Variants in RNF152 observed in about 807,000 individuals in gnomAD.
The protein encoded by RNF152 is ring finger protein 152.
RNF152 carries 11 observed loss-of-function variants against 12.7 expected under a neutral mutation model. That is an observed-to-expected ratio of 0.86 (90% CI 0.54 to 1.43). RNF152 has a LOEUF of 1.43. Among genes scored for constraint, RNF152 ranks in the 40% most tolerant of loss-of-function variants. The pLI, the probability that RNF152 is intolerant of heterozygous loss-of-function variation, is 0.00. For missense variants in RNF152, 255 were observed against 274.8 expected (o/e 0.93, Z 0.51); for synonymous variants, 113 against 120.3 (o/e 0.94, Z 0.40).
rs557991864 is a variant in RNF152, at chr18:61,811,118, GAA to G, written c.*4732_*4733del. The G allele has an allele frequency of 6.8e-6, 1 of 147,698 alleles. No homozygotes were observed. The highest frequency in any genetic ancestry group is 1.5e-5 in the Non-Finnish European group (1 of 66,788). 9.1% of individuals were successfully genotyped at this position (147,698 alleles called of 1,614,324 possible). A position where few individuals can be genotyped will look rare whatever the true frequency, so the allele number is the denominator to read the frequency against. ...AAGTCTTGCACATTGATGAGTTCTA[GAA>G]AAAAAAAATCAACCCATTTCTGCTA... On this transcript the variant is annotated 3_prime_UTR_variant, in exon 2 of 2. Transcript: ENST00000312828.
chr18:61,863,803 C>T (rs1568285351), intron 1 of RNF152, among the ~76,000 whole-genome samples: 1 of 152,140 alleles, frequency 6.6e-6, no homozygotes, highest in African/African-American at 2.4e-5. Context: ...CAAAGCAACA[C>T]CTGACAAGAG....
At chr18:61,866,295 A>C (rs929046763) in intron 1 of RNF152, among the ~76,000 whole-genome samples, 1 of 152,102 alleles carries the variant, frequency 6.6e-6, no homozygotes, top group Non-Finnish European at 1.5e-5. Flanking sequence ...TCCCCACCAG[A>C]TGCCTTATAC....
chr18:61,845,436 C>T (rs898436210), intron 1 of RNF152, among the ~76,000 whole-genome samples: 2 of 152,218 alleles, frequency 1.3e-5, no homozygotes, highest in African/African-American at 4.8e-5. Context: ...CTCAGGCCGC[C>T]GCTGCTCAAA....
Position 61,810,769 on chromosome 18 carries a change from A to AT in RNF152, c.*5082dup, listed in dbSNP as rs1380209183. On this transcript the variant is annotated 3_prime_UTR_variant, in exon 2 of 2. Coordinates refer to ENST00000312828, the MANE Select transcript of RNF152 (RefSeq NM_173557.3). ...GCTACTGAATTATCTCGACTATCTT[A>AT]TTATTCTCAATAGTTTCTGTTTTGG... The AT allele has an allele frequency of 6.6e-6, 1 of 152,228 alleles. No homozygotes were observed. Among genetic ancestry groups the AT allele is most frequent in the Non-Finnish European group, 1.5e-5 (1 of 68,026 alleles). The allele number at this position is 152,228 out of a possible 1,614,324, so 9.4% of individuals were successfully genotyped here. A position where few individuals can be genotyped will look rare whatever the true frequency, so the allele number is the denominator to read the frequency against.
chr18:61,867,533 G>T (rs1460488366), intron 1 of RNF152, among the ~76,000 whole-genome samples: 1 of 151,966 alleles, frequency 6.6e-6, no homozygotes, highest in East Asian at 1.9e-4. Context: ...GGGGAGCAGG[G>T]GCAAAGAGAT....
intron 1 of RNF152, among the ~76,000 whole-genome samples, chr18:61,820,779 C>G (rs989161419): frequency 6.6e-5 from 10 of 152,288 alleles, no homozygotes; most frequent in Middle Eastern, 6.8e-3. Flanking sequence ...ACTTCTACAT[C>G]ACAATGTGGG....
intron 1 of RNF152, among the ~76,000 whole-genome samples, chr18:61,884,111 T>C (rs1294111883): frequency 6.6e-6 from 1 of 152,182 alleles, no homozygotes; most frequent in Non-Finnish European, 1.5e-5. Context: ...ATAAGGACGT[T>C]AGCAACAGCT....
intron 1 of RNF152, among the ~76,000 whole-genome samples, chr18:61,819,047 G>A (rs981341998): frequency 6.6e-5 from 10 of 152,236 alleles, no homozygotes; most frequent in African/African-American, 1.9e-4. Context: ...ATCAGCATGA[G>A]CAAAGGAAAG....
Position 61,885,692 on chromosome 18 carries a change from C to A in RNF152, c.-136+7103G>T, listed in dbSNP as rs144413387. Among the ~76,000 whole-genome samples, 142 of 152,234 alleles carry A rather than the reference C, an allele frequency of 9.3e-4. 1 individual carries two copies. The highest frequency in any genetic ancestry group is 3.3e-3 in the African/African-American group (138 of 41,542). On this transcript the variant is annotated intron_variant, in intron 1 of 1. Coordinates refer to ENST00000312828, the MANE Select transcript of RNF152 (RefSeq NM_173557.3). ...TTTCCCTCTTTCATAATAACACTCTCATAATGATCAAGCATTTTGAGTATC... is the reference window on the plus strand; with the variant it reads ...TTTCCCTCTTTCATAATAACACTCTAATAATGATCAAGCATTTTGAGTATC...
At chr18:61,844,664 G>A (rs1910668633) in intron 1 of RNF152, among the ~76,000 whole-genome samples, 1 of 152,092 alleles carries the variant, frequency 6.6e-6, no homozygotes, top group Non-Finnish European at 1.5e-5. Flanking sequence ...TATTCATCTT[G>A]TGTCTACCCA....
At chr18:61,893,982 C>G (rs1054352064), upstream of RNF152, among the ~76,000 whole-genome samples, 6 of 152,010 alleles carry the variant, frequency 3.9e-5, no homozygotes, top group African/African-American at 9.7e-5. Context: ...CCCGCCACCC[C>G]CTCCGCGGTC....
chr18:61,856,965 C>T (rs1400910044), intron 1 of RNF152, among the ~76,000 whole-genome samples: 1 of 152,166 alleles, frequency 6.6e-6, no homozygotes, highest in Non-Finnish European at 1.5e-5. Context: ...TCTAATAGCC[C>T]TCATTTAGAT....
chr18:61,816,096 G>A lies in RNF152; in HGVS notation c.368C>T (p.Pro123Leu). ...GGTGACGGACTTCTGCTGGCTCCCG[G>A]GCAGCAGGCGGCAGCCCATGTCTCC... ...LPGDMGCRLLPGSQQKSVTVV... is the reference protein window; with the variant it reads ...LPGDMGCRLLLGSQQKSVTVV... The change falls in exon 2 of 2, where the codon CCC (proline) becomes CTC (leucine). Residue 123 changes from proline (P) to leucine (L), a missense_variant. Physicochemically the swap from Pro to Leu is moderately conservative, Grantham distance 98. Transcript: ENST00000312828. 6.2e-7 allele frequency: 1 copy of A among 1,614,142 alleles called. No individual in the cohort carries two copies. The highest frequency in any genetic ancestry group is 8.5e-7 in the Non-Finnish European group (1 of 1,180,016).
chr18:61,858,781 TCAG>T (rs1420549196), intron 1 of RNF152, among the ~76,000 whole-genome samples: 4 of 152,304 alleles, frequency 2.6e-5, no homozygotes, highest in African/African-American at 7.2e-5. Flanking sequence ...CAGTTTGCAT[TCAG>T]CAACCTATTA....
chr18:61,873,450 GC>G (rs1454649404), intron 1 of RNF152, among the ~76,000 whole-genome samples: 11 of 152,180 alleles, frequency 7.2e-5, no homozygotes, highest in African/African-American at 2.7e-4. Context: ...CGATTCTCCT[GC>G]CTCAGCCTCC....
chr18:61,843,651 G>A lies in RNF152; in HGVS notation c.-135-27053C>T, dbSNP rs150767155. The stretch of plus-strand genomic sequence containing the variant: ...ACAGCAGGAAATTCTGACACGTTAC[G>A]ACATGGGTGAATTTTGAGGACATTA... On this transcript the variant is annotated intron_variant, in intron 1 of 1. Transcript: ENST00000312828. Among the ~76,000 whole-genome samples, 61 of 152,268 alleles carry A rather than the reference G, an allele frequency of 4.0e-4. No homozygotes were observed. The East Asian group carries it at 8.1e-3, about 20-fold the overall frequency.
At chr18:61,839,826 C>A (rs1910371539) in intron 1 of RNF152, among the ~76,000 whole-genome samples, 1 of 152,186 alleles carries the variant, frequency 6.6e-6, no homozygotes, top group Non-Finnish European at 1.5e-5. Context: ...ACCCGGGAGG[C>A]AGAGCTTGCA....
At chr18:61,875,937 T>G (rs1240419819) in intron 1 of RNF152, among the ~76,000 whole-genome samples, 1 of 152,084 alleles carries the variant, frequency 6.6e-6, no homozygotes, top group African/African-American at 2.4e-5. Context: ...AAACACAGCT[T>G]TATGACCACA....
chr18:61,853,457 T>A (rs1400648276), intron 1 of RNF152, among the ~76,000 whole-genome samples: 1 of 152,048 alleles, frequency 6.6e-6, no homozygotes, highest in East Asian at 1.9e-4. Flanking sequence ...GCCCAGCTAA[T>A]TTTTTTGTAT....
Sources: gnomAD v4.1 joint callset for allele counts (sites outside exome capture counted in the v4.1 genomes callset) on GRCh38, gnomAD v4.1.1 for gene constraint, MANE v1.5 for transcripts, NCBI Gene and HGNC (gene_info 2026-07-23, HGNC 2026-07-21) for gene names.